Variants in PCDHGA2 observed in about 807,000 individuals in gnomAD.
The protein encoded by PCDHGA2 is protocadherin gamma subfamily A, 2.
A neutral mutation model predicts 59.2 loss-of-function variants in PCDHGA2; 40 were observed. The observed-to-expected ratio is 0.68, with a 90% CI of 0.52 to 0.88. PCDHGA2 has a LOEUF of 0.88. Among genes scored for constraint, PCDHGA2 ranks in the 40% least tolerant of loss-of-function variants. The pLI is 0.00. For synonymous variants in PCDHGA2, 560 were observed against 526.0 expected (o/e 1.06, Z -0.89); for missense variants, 1,226 against 1,204.0 (o/e 1.02, Z -0.27).
At position 141,431,438 on chromosome 5, in the gene PCDHGA2, C is replaced by G. The variant is rs773812765; in HGVS notation, c.2425-63369C>G. The G allele has an allele frequency of 3.9e-5, 63 of 1,613,612 alleles. No homozygotes were observed. In the East Asian group the frequency reaches 1.4e-3, roughly 35 times the overall value. ...CGACCCGGTGCGCACAGGCACCGCG[C>G]GCATCCGCGTGATGGTTCTGGATGC... is the stretch of plus-strand genomic sequence containing the variant. On this transcript the variant is annotated intron_variant, in intron 1 of 3. Coordinates refer to ENST00000394576, the MANE Select transcript of PCDHGA2 (RefSeq NM_018915.4). The surrounding 1 kb of genome is among the most constrained non-coding windows in gnomAD (Gnocchi z 4.8).
At chr5:141,400,883 A>G (rs1017003447) in intron 1 of PCDHGA2, among the ~76,000 whole-genome samples, 1 of 152,232 alleles carries the variant, frequency 6.6e-6, no homozygotes, top group Non-Finnish European at 1.5e-5. Flanking sequence ...AATTTAATGT[A>G]TGTAATCATT....
In PCDHGA2 at chr5:141,493,930, A is replaced by G. The variant is rs547125826; in HGVS notation, c.2425-877A>G. Among the ~76,000 whole-genome samples the G allele has an allele frequency of 6.6e-6, 1 of 152,268 alleles. No homozygotes were observed. The highest frequency in any genetic ancestry group is 6.5e-5 in the Admixed American group (1 of 15,300). ...TGTGATGGGATAACACACCCCCTGG[A>G]AAGACCAGAAGGGACTCAGGAATGA... On this transcript the variant is annotated intron_variant, in intron 1 of 3. Transcript: ENST00000394576. This position sits in a 1 kb window ranked among gnomAD's most constrained non-coding sequence, Gnocchi z 4.3.
At position 141,379,889 on chromosome 5, in the gene PCDHGA2, C is replaced by CTTT. The variant is rs70988800; in HGVS notation, c.2424+38522_2424+38524dup. On this transcript the variant is annotated intron_variant, in intron 1 of 3. Transcript: ENST00000394576. Reference sequence around the variant, plus strand: ...CTTATTTTATGGTCTGTGAAAGCCTCTTTTTTTTTTTTTTTTTTTTTTTTT... The same window carrying CTTT: ...CTTATTTTATGGTCTGTGAAAGCCTCTTTTTTTTTTTTTTTTTTTTTTTTTTTT... Among the ~76,000 whole-genome samples the CTTT allele has an allele frequency of 4.3e-3, 221 of 50,830 alleles. 36 individuals are homozygous for CTTT. The highest frequency in any genetic ancestry group is 5.4e-3 in the Non-Finnish European group (141 of 25,886). The allele number at this position is 50,830 out of a possible 152,430, so 33.3% of individuals were successfully genotyped here.
At chr5:141,360,693 A>T (rs951041324) in intron 1 of PCDHGA2, 1 of 1,613,908 alleles carries the variant, frequency 6.2e-7, no homozygotes, top group Non-Finnish European at 8.5e-7. Flanking sequence ...AACAGACTCC[A>T]GATGGTCGTA....
intron 1 of PCDHGA2, chr5:141,360,710 C>T: frequency 6.2e-7 from 1 of 1,613,894 alleles, no homozygotes; most frequent in Non-Finnish European, 8.5e-7. Flanking sequence ...CGTAAATATC[C>T]TGAGTTGATT....
rs1561589443 is a variant in PCDHGA2, at chr5:141,381,835, T to TCTTCTTC, written c.2424+40440_2424+40441insCTTCTTC. Reference sequence around the variant, plus strand: ...TTCTTTCTTTCTTCTTCTTTTTTTTTTTTTTTTTTTTTTGGCAGAGTTTTG... The same window carrying TCTTCTTC: ...TTCTTTCTTTCTTCTTCTTTTTTTTTCTTCTTCTTTTTTTTTTTTTGGCAGAGTTTTG... On this transcript the variant is annotated intron_variant, in intron 1 of 3. Coordinates refer to ENST00000394576, the MANE Select transcript of PCDHGA2 (RefSeq NM_018915.4). 3.4e-3 allele frequency among the ~76,000 whole-genome samples: 481 copies of TCTTCTTC among 141,024 alleles called. 2 individuals carry two copies. Among genetic ancestry groups the TCTTCTTC allele is most frequent in the African/African-American group, 0.012 (438 of 36,478 alleles). The allele number at this position is 141,024 out of a possible 152,430, so 92.5% of individuals were successfully genotyped here. A position where few individuals can be genotyped will look rare whatever the true frequency, so the allele number is the denominator to read the frequency against.
intron 1 of PCDHGA2, chr5:141,377,100 C>G (rs941685328): frequency 6.6e-6 from 1 of 152,186 alleles, no homozygotes; most frequent in East Asian, 1.9e-4. Context: ...TCTTTTATAT[C>G]AAAAGAATGT....
At chr5:141,500,278 G>A (rs1338703900) in intron 2 of PCDHGA2, among the ~76,000 whole-genome samples, 2 of 150,508 alleles carry the variant, frequency 1.3e-5, no homozygotes, top group East Asian at 2.0e-4. Context: ...GCGCAATCTC[G>A]GCTCACTGCA....
chr5:141,418,413 A>T, intron 1 of PCDHGA2: 1 of 1,614,048 alleles, frequency 6.2e-7, no homozygotes, highest in Non-Finnish European at 8.5e-7. Flanking sequence ...GAGAAAGACA[A>T]TCCTGATGGT....
intron 1 of PCDHGA2, chr5:141,355,807 G>A: frequency 1.9e-6 from 3 of 1,613,264 alleles, no homozygotes; most frequent in Non-Finnish European, 2.5e-6. Context: ...TCTAGATCGC[G>A]AGGAAGAGGC....
At chr5:141,422,307 C>T in intron 1 of PCDHGA2, 4 of 1,547,552 alleles carry the variant, frequency 2.6e-6, no homozygotes, top group South Asian at 1.3e-5. Flanking sequence ...TTCTGGAAAA[C>T]TCTCCTCCAG....
At chr5:141,344,283 T>C (rs1757395793) in intron 1 of PCDHGA2, 2 of 1,613,966 alleles carry the variant, frequency 1.2e-6, no homozygotes, top group East Asian at 2.2e-5. Context: ...AAGCGGCAGC[T>C]TGGTCACCGC....
chr5:141,367,301 G>C (rs1765044425), intron 1 of PCDHGA2: 1 of 152,822 alleles, frequency 6.5e-6, no homozygotes, highest in African/African-American at 2.4e-5. Flanking sequence ...CACTTTGGGA[G>C]GCTGAGGTGG....
In PCDHGA2 at chr5:141,382,029, A is replaced by C. The variant is rs574099831; in HGVS notation, c.2424+40634A>C. 4.6e-4 allele frequency among the ~76,000 whole-genome samples: 70 copies of C among 151,618 alleles called. 2 individuals carry two copies. The South Asian group carries it at 0.013, about 28-fold the overall frequency. On this transcript the variant is annotated intron_variant, in intron 1 of 3. Coordinates refer to ENST00000394576, the MANE Select transcript of PCDHGA2 (RefSeq NM_018915.4). Reference sequence around the variant, plus strand: ...TTTTTAGTAGAGACGGGGTTTCTCCATGTTGGTCAGGCTGGTCTCAAGCTC... The same window carrying C: ...TTTTTAGTAGAGACGGGGTTTCTCCCTGTTGGTCAGGCTGGTCTCAAGCTC...
intron 1 of PCDHGA2, among the ~76,000 whole-genome samples, chr5:141,444,735 C>A (rs924159168): frequency 1.3e-5 from 2 of 152,116 alleles, no homozygotes; most frequent in Admixed American, 1.3e-4. Context: ...TGTTGAAAGT[C>A]ATTTCACTGA....
chr5:141,475,899 T>A, intron 1 of PCDHGA2: 1 of 574,766 alleles, frequency 1.7e-6, no homozygotes. Flanking sequence ...TGTGTGCCGC[T>A]GTCGGCCAAT....
chr5:141,358,600 A>T (rs1210662603), intron 1 of PCDHGA2, among the ~76,000 whole-genome samples: 1 of 152,208 alleles, frequency 6.6e-6, no homozygotes. Context: ...CACTCCTGTG[A>T]TTATGAGAAA....
At chr5:141,466,095 C>T (rs1170423552) in intron 1 of PCDHGA2, among the ~76,000 whole-genome samples, 1 of 152,038 alleles carries the variant, frequency 6.6e-6, no homozygotes, top group African/African-American at 2.4e-5. Flanking sequence ...GCACTCCAGC[C>T]TGGGCAACAG....
chr5:141,356,449 G>T (rs369918010), intron 1 of PCDHGA2: 30 of 1,612,926 alleles, frequency 1.9e-5, no homozygotes, highest in Non-Finnish European at 2.3e-5. Flanking sequence ...AGAAGTCTCA[G>T]AATATAACAT....
Sources: gnomAD v4.1 joint callset for allele counts (sites outside exome capture counted in the v4.1 genomes callset) on GRCh38, gnomAD v4.1.1 for gene constraint, Gnocchi (gnomAD v3.1) non-coding constraint, MANE v1.5 for transcripts, NCBI Gene and HGNC (gene_info 2026-07-23, HGNC 2026-07-21) for gene names.